The following CADPS2 variants were observed in gnomAD, a reference collection of about 807,000 sequenced individuals.
The protein encoded by CADPS2 is calcium dependent secretion activator 2.
CADPS2 carries 93 observed loss-of-function variants against 172.5 expected under a neutral mutation model. The observed-to-expected ratio is 0.54, with a 90% CI of 0.46 to 0.64. The LOEUF is 0.64. Ranked by LOEUF, CADPS2 falls within the 30% of genes least tolerant of loss-of-function variation. The probability of loss-of-function intolerance (pLI) is 0.00; values close to 1 mark genes in which losing one functional copy is unlikely to be tolerated. For missense variants in CADPS2, 1,420 were observed against 1,565.9 expected (o/e 0.91, Z 1.57); for synonymous variants, 546 against 555.2 (o/e 0.98, Z 0.23).
At chr7:122,457,624 G>A (rs972723763) in intron 14 of CADPS2, among the ~76,000 whole-genome samples, 3 of 152,154 alleles carry the variant, frequency 2.0e-5, no homozygotes, top group Non-Finnish European at 2.9e-5. Context: ...TGTATAAATA[G>A]CACTTCCAGA....
chr7:122,722,531 C>T (rs552261063), intron 2 of CADPS2, among the ~76,000 whole-genome samples: 12 of 151,174 alleles, frequency 7.9e-5, no homozygotes, highest in South Asian at 2.1e-4. Context: ...CGCTGCTCAA[C>T]GAAATAAAAA....
chr7:122,360,237 C>A (rs565189144), intron 27 of CADPS2, among the ~76,000 whole-genome samples: 1 of 152,018 alleles, frequency 6.6e-6, no homozygotes, highest in Non-Finnish European at 1.5e-5. Context: ...ACCATGTGAA[C>A]GTTCTCATTG....
intron 1 of CADPS2, among the ~76,000 whole-genome samples, chr7:122,885,746 G>C (rs920269549): frequency 3.3e-5 from 5 of 152,154 alleles, no homozygotes; most frequent in Non-Finnish European, 7.3e-5. Context: ...GGCGCTGTCG[G>C]TCTCTGTCTC....
chr7:122,823,870 C>G (rs952373787), intron 1 of CADPS2, among the ~76,000 whole-genome samples: 14 of 152,236 alleles, frequency 9.2e-5, no homozygotes, highest in African/African-American at 3.4e-4. Flanking sequence ...AAGCATCAGA[C>G]TCAGGGGTTG....
intron 1 of CADPS2, among the ~76,000 whole-genome samples, chr7:122,793,089 G>T (rs773975427): frequency 6.6e-6 from 1 of 152,096 alleles, no homozygotes; most frequent in Admixed American, 6.6e-5. Context: ...TGTGTAAAAG[G>T]ACCATTCAGG....
chr7:122,728,901 T>G (rs1298346161), intron 2 of CADPS2, among the ~76,000 whole-genome samples: 1 of 151,784 alleles, frequency 6.6e-6, no homozygotes, highest in East Asian at 1.9e-4. Context: ...ACAAGTCGCC[T>G]CTCTTCTGTT....
chr7:122,733,595 T>C (rs2091883677), intron 2 of CADPS2, among the ~76,000 whole-genome samples: 1 of 151,996 alleles, frequency 6.6e-6, no homozygotes, highest in Non-Finnish European at 1.5e-5. Flanking sequence ...AGTGGCCATT[T>C]GCTGACTAGA....
At chr7:122,723,133 G>A (rs903433152) in intron 2 of CADPS2, among the ~76,000 whole-genome samples, 1 of 152,110 alleles carries the variant, frequency 6.6e-6, no homozygotes. Flanking sequence ...AGGACTTCAT[G>A]TCTAAAACAA....
chr7:122,572,967 A>G (rs993395680), intron 7 of CADPS2, among the ~76,000 whole-genome samples: 7 of 152,156 alleles, frequency 4.6e-5, no homozygotes, highest in Non-Finnish European at 1.0e-4. Flanking sequence ...CAAAATTTGC[A>G]TGCCAAGTAC....
At chr7:122,722,498 C>T (rs1029205649) in intron 2 of CADPS2, among the ~76,000 whole-genome samples, 3 of 151,400 alleles carry the variant, frequency 2.0e-5, no homozygotes, top group Admixed American at 6.6e-5. Context: ...ATGTGAAGGA[C>T]CTCTTCAAGG....
At chr7:122,753,699 T>C (rs994072237) in intron 1 of CADPS2, among the ~76,000 whole-genome samples, 1 of 152,166 alleles carries the variant, frequency 6.6e-6, no homozygotes, top group Admixed American at 6.5e-5. Context: ...CAGTACACTT[T>C]AGCCAACAGC....
At chr7:122,779,713 C>T (rs1792175667) in intron 1 of CADPS2, among the ~76,000 whole-genome samples, 1 of 152,152 alleles carries the variant, frequency 6.6e-6, no homozygotes, top group Admixed American at 6.5e-5. Flanking sequence ...GCAAGCAAAG[C>T]CCACTGCAGG....
intron 2 of CADPS2, among the ~76,000 whole-genome samples, chr7:122,706,718 A>C (rs1000664113): frequency 6.8e-6 from 1 of 147,694 alleles, no homozygotes; most frequent in Non-Finnish European, 1.5e-5. Flanking sequence ...TTGCTCATAT[A>C]TATGTATATA....
chr7:122,555,224 C>T (rs1302919449), intron 7 of CADPS2, among the ~76,000 whole-genome samples: 1 of 152,008 alleles, frequency 6.6e-6, no homozygotes, highest in African/African-American at 2.4e-5. Context: ...GGACTTTTTC[C>T]TGACATGTTT....
At chr7:122,775,037 C>T (rs1172861214) in intron 1 of CADPS2, among the ~76,000 whole-genome samples, 1 of 151,930 alleles carries the variant, frequency 6.6e-6, no homozygotes, top group African/African-American at 2.4e-5. Context: ...TTTTAAAATA[C>T]AAAATTAACC....
intron 12 of CADPS2, among the ~76,000 whole-genome samples, chr7:122,476,892 T>C (rs1426924169): frequency 1.3e-5 from 2 of 151,128 alleles, no homozygotes; most frequent in Admixed American, 6.6e-5. Context: ...CATGTGGCAG[T>C]ATAGTCTTAG....
intron 1 of CADPS2, among the ~76,000 whole-genome samples, chr7:122,762,774 C>T (rs2093431316): frequency 6.6e-6 from 1 of 152,016 alleles, no homozygotes; most frequent in Non-Finnish European, 1.5e-5. Flanking sequence ...GGCCACCAGT[C>T]CAAATGGGAG....
intron 9 of CADPS2, among the ~76,000 whole-genome samples, chr7:122,508,449 G>GTTTTTTTTT (rs1205155217): frequency 3.2e-4 from 22 of 68,432 alleles, no homozygotes; most frequent in African/African-American, 7.1e-4. Context: ...ATTCATTTAA[G>GTTTTTTTTT]TTTTTTTTTT....
At chr7:122,575,690 G>A (rs2067941515) in intron 7 of CADPS2, among the ~76,000 whole-genome samples, 1 of 152,112 alleles carries the variant, frequency 6.6e-6, no homozygotes, top group South Asian at 2.1e-4. Context: ...GCCTGCCTCG[G>A]CCTCCCAAAG....
Sources: allele counts gnomAD v4.1 joint callset (sites outside exome capture counted in the v4.1 genomes callset), GRCh38; gene constraint gnomAD v4.1.1; transcripts MANE v1.5; gene names NCBI Gene and HGNC (gene_info 2026-07-23, HGNC 2026-07-21).